Variants in PDE10A observed in about 807,000 individuals in gnomAD.
The protein encoded by PDE10A is cAMP and cAMP-inhibited cGMP 3',5'-cyclic phosphodiesterase 10A.
A neutral mutation model predicts 97.7 loss-of-function variants in PDE10A; 39 were observed. The ratio of observed to expected loss-of-function variants is 0.40; its 90% CI spans 0.31 to 0.52. The LOEUF is 0.52. Ranked by LOEUF, PDE10A falls within the 20% of genes least tolerant of loss-of-function variation. The probability of loss-of-function intolerance (pLI) is 0.56; values close to 1 mark genes in which losing one functional copy is unlikely to be tolerated. For missense variants in PDE10A, 731 were observed against 1,047.8 expected, an observed-to-expected ratio of 0.70 and a Z score of 4.17; for synonymous variants, 371 against 376.8, an observed-to-expected ratio of 0.98 and a Z score of 0.18.
chr6:165,497,934 A>G (rs1186732002), intron 2 of PDE10A, among the ~76,000 whole-genome samples: 1 of 152,200 alleles, frequency 6.6e-6, no homozygotes. Flanking sequence ...ATAATACCTG[A>G]AAATTCATAG....
In PDE10A at chr6:165,596,656, T is replaced by G. The variant is rs184937880; in HGVS notation, c.866-53088A>C. On this transcript the variant is annotated intron_variant, in intron 1 of 21. Coordinates refer to ENST00000539869, the MANE Select transcript of PDE10A (RefSeq NM_001385079.1). ...GAGGTGGGAGGACTGCTTGAGCCCA[T>G]GAGGTGGAGGCTGCAGGTAGCCATG... 2.8e-4 allele frequency among the ~76,000 whole-genome samples: 43 copies of G among 152,164 alleles called. No homozygotes were observed. In the East Asian group the frequency reaches 5.8e-3, roughly 21 times the overall value.
At position 165,874,608 on chromosome 6, in the gene PDE10A, T is replaced by G. The variant is rs981013849; in HGVS notation, c.-615+112921A>C. ...GCGTTACACAAATAATGGTGCTTATTGATGAATGTTAAACAGTATGTGTTT... is the reference window on the plus strand; with the variant it reads ...GCGTTACACAAATAATGGTGCTTATGGATGAATGTTAAACAGTATGTGTTT... On this transcript the variant is annotated intron_variant, in intron 1 of 19. Transcript: ENST00000366882. Among the ~76,000 whole-genome samples the G allele has an allele frequency of 2.0e-5, 3 of 152,230 alleles. No homozygotes were observed. The East Asian group carries it at 5.8e-4, about 29-fold the overall frequency.
At chr6:165,392,618 G>A in intron 16 of PDE10A, 28 bp downstream of exon 16, 1 of 1,598,308 alleles carries the variant, frequency 6.3e-7, no homozygotes, top group Non-Finnish European at 8.6e-7. Flanking sequence ...GAGGTTACGA[G>A]AAACAGAGGT....
At chr6:165,344,633 G>A (rs1782189748) in intron 18 of PDE10A, among the ~76,000 whole-genome samples, 1 of 152,138 alleles carries the variant, frequency 6.6e-6, no homozygotes, top group Non-Finnish European at 1.5e-5. Flanking sequence ...CTCTAGTAGT[G>A]CTCTTAGCAC....
At chr6:165,910,063 A>G (rs1442133326) in intron 1 of PDE10A, among the ~76,000 whole-genome samples, 1 of 151,956 alleles carries the variant, frequency 6.6e-6, no homozygotes, top group African/African-American at 2.4e-5. Flanking sequence ...CGGGGATTTT[A>G]CTCTAGTTTG....
intron 19 of PDE10A, among the ~76,000 whole-genome samples, chr6:165,339,813 G>A (rs765349189): frequency 1.3e-5 from 2 of 152,184 alleles, no homozygotes; most frequent in African/African-American, 4.8e-5. Flanking sequence ...TAGTAAAGAC[G>A]CAGTACAACA....
intron 1 of PDE10A, among the ~76,000 whole-genome samples, chr6:165,714,506 A>G (rs777527919): frequency 6.6e-6 from 1 of 152,240 alleles, no homozygotes; most frequent in Non-Finnish European, 1.5e-5. Context: ...GCAGATCAAA[A>G]TAAATTCAAG....
At chr6:165,762,792 A>G (rs1793283266) in intron 1 of PDE10A, among the ~76,000 whole-genome samples, 1 of 152,226 alleles carries the variant, frequency 6.6e-6, no homozygotes, top group Non-Finnish European at 1.5e-5. Flanking sequence ...TCTCTAGCCC[A>G]TCTCTGGAAT....
intron 1 of PDE10A, among the ~76,000 whole-genome samples, chr6:165,853,561 C>G (rs574743107): frequency 8.6e-5 from 13 of 152,030 alleles, no homozygotes; most frequent in Admixed American, 1.3e-4. Context: ...TATACGTATC[C>G]CAAGATTGCT....
chr6:165,647,884 A>C (rs972610631), intron 1 of PDE10A, among the ~76,000 whole-genome samples: 1 of 152,214 alleles, frequency 6.6e-6, no homozygotes, highest in Non-Finnish European at 1.5e-5. Context: ...ATCTCATTTA[A>C]TCTTCACCAC....
intron 1 of PDE10A, among the ~76,000 whole-genome samples, chr6:165,853,095 G>A (rs549104710): frequency 1.2e-4 from 19 of 152,312 alleles, no homozygotes; most frequent in African/African-American, 4.1e-4. Flanking sequence ...CTCTGAACAC[G>A]GTATCTGCTG....
intron 1 of PDE10A, among the ~76,000 whole-genome samples, chr6:165,943,270 GGAAGGAAAGAAAGAAAGAAA>G (rs1783627707): frequency 1.1e-5 from 1 of 89,002 alleles, no homozygotes; most frequent in Non-Finnish European, 2.2e-5. Context: ...AAGGAAGGAA[GGAAGGAAAGAAAGAAAGAAA>G]GAAGGAAAGA....
At chr6:165,860,199 A>T (rs141067525) in intron 1 of PDE10A, among the ~76,000 whole-genome samples, 4,856 of 152,306 alleles carry the variant, frequency 0.032, 126 homozygotes, top group Non-Finnish European at 0.046. Context: ...CACGCCTGTA[A>T]TCCCAGCACT....
intron 1 of PDE10A, among the ~76,000 whole-genome samples, chr6:165,737,254 A>G (rs1054384220): frequency 2.0e-5 from 3 of 152,228 alleles, no homozygotes; most frequent in Non-Finnish European, 2.9e-5. Context: ...TTTTCTGAAG[A>G]AGCAAAGATG....
chr6:165,828,432 G>A (rs1171607709), intron 1 of PDE10A, among the ~76,000 whole-genome samples: 1 of 152,210 alleles, frequency 6.6e-6, no homozygotes, highest in East Asian at 1.9e-4. Flanking sequence ...TTAAACAAAA[G>A]TGAAATGCAG....
chr6:165,772,171 G>C (rs1023419841), intron 1 of PDE10A, among the ~76,000 whole-genome samples: 3 of 152,134 alleles, frequency 2.0e-5, no homozygotes, highest in Non-Finnish European at 4.4e-5. Flanking sequence ...CAAGTACAAA[G>C]AATAAAGCAT....
At chr6:165,412,705 T>A (rs1787965101) in intron 13 of PDE10A, among the ~76,000 whole-genome samples, 1 of 152,142 alleles carries the variant, frequency 6.6e-6, no homozygotes, top group Admixed American at 6.5e-5. Flanking sequence ...GCTTGTCCTA[T>A]GAGTTACACG....
At chr6:165,898,236 G>A (rs1025453443) in intron 1 of PDE10A, among the ~76,000 whole-genome samples, 2 of 152,122 alleles carry the variant, frequency 1.3e-5, no homozygotes, top group African/African-American at 4.8e-5. Context: ...CACTGAGAAG[G>A]TGGCTGCAGT....
chr6:165,412,795 A>G (rs1226954035), intron 13 of PDE10A, among the ~76,000 whole-genome samples: 2 of 152,182 alleles, frequency 1.3e-5, no homozygotes, highest in Non-Finnish European at 2.9e-5. Context: ...ATGTATGTTG[A>G]TTTAGCTCTA....
Sources: gnomAD v4.1 joint callset for allele counts (sites outside exome capture counted in the v4.1 genomes callset) on GRCh38, gnomAD v4.1.1 for gene constraint, MANE v1.5 for transcripts, NCBI Gene and HGNC (gene_info 2026-07-23, HGNC 2026-07-21) for gene names.